DLGAP1: variants seen among roughly 807,000 people sequenced by gnomAD.
The protein encoded by DLGAP1 is DLG associated protein 1.
DLGAP1 carries 11 observed loss-of-function variants against 90.8 expected under a neutral mutation model. The observed-to-expected ratio is 0.12, with a 90% confidence interval of 0.08 to 0.20. DLGAP1 has a LOEUF of 0.20. Ranked by LOEUF, DLGAP1 falls within the 10% of genes least tolerant of loss-of-function variation. DLGAP1 has a pLI of 1.00. For synonymous variants in DLGAP1, 558 were observed against 540.7 expected, an observed-to-expected ratio of 1.03 and a Z score of -0.44; for missense variants, 1,050 against 1,333.8, an observed-to-expected ratio of 0.79 and a Z score of 3.31.
chr18:3,541,131 T>C (rs2052669687), intron 9 of DLGAP1, among the ~76,000 whole-genome samples: 1 of 152,176 alleles, frequency 6.6e-6, no homozygotes, highest in African/African-American at 2.4e-5. Flanking sequence ...CACTAACAAT[T>C]ATGTTTTACT....
intron 2 of DLGAP1, among the ~76,000 whole-genome samples, chr18:4,069,119 A>G (rs538368909): frequency 2.0e-5 from 3 of 152,328 alleles, no homozygotes; most frequent in African/African-American, 7.2e-5. Context: ...CAGCACAATC[A>G]TGACTGTGCT....
At chr18:4,243,745 T>C (rs1261893096) in intron 1 of DLGAP1, among the ~76,000 whole-genome samples, 2 of 152,226 alleles carry the variant, frequency 1.3e-5, no homozygotes, top group Non-Finnish European at 2.9e-5. Context: ...TTTACTAATT[T>C]TGAAATAAGG....
chr18:4,256,598 T>TG, intron 1 of DLGAP1, among the ~76,000 whole-genome samples: 1 of 152,184 alleles, frequency 6.6e-6, no homozygotes, highest in Non-Finnish European at 1.5e-5. Context: ...AAGGTCCTTC[T>TG]GGGGAAAATC....
At chr18:3,766,088 C>T (rs2064230326) in intron 5 of DLGAP1, among the ~76,000 whole-genome samples, 3 of 151,970 alleles carry the variant, frequency 2.0e-5, no homozygotes, top group African/African-American at 4.8e-5. Flanking sequence ...TCTATAAGAA[C>T]CTCACTGCAA....
intron 6 of DLGAP1, among the ~76,000 whole-genome samples, chr18:3,730,984 G>C (rs1458266638): frequency 6.6e-6 from 1 of 152,138 alleles, no homozygotes; most frequent in African/African-American, 2.4e-5. Flanking sequence ...AATGGAGCAA[G>C]AGAGACAAAG....
At chr18:3,572,424 T>A (rs1599309696) in intron 8 of DLGAP1, among the ~76,000 whole-genome samples, 1 of 133,284 alleles carries the variant, frequency 7.5e-6, no homozygotes, top group South Asian at 2.7e-4. Flanking sequence ...GATTGGTTTC[T>A]TTTATTTATT....
chr18:3,828,663 A>AAAG (rs2067861835), intron 4 of DLGAP1, among the ~76,000 whole-genome samples: 4 of 147,408 alleles, frequency 2.7e-5, no homozygotes, highest in Non-Finnish European at 4.5e-5. Context: ...AAAAAAAAAA[A>AAAG]GGACAAAAAG....
chr18:3,930,034 G>T, intron 3 of DLGAP1, among the ~76,000 whole-genome samples: 1 of 152,208 alleles, frequency 6.6e-6, no homozygotes, highest in East Asian at 1.9e-4. Context: ...GTAAGTGTCT[G>T]CTGGGCTAAT....
rs1321504554 is a variant in DLGAP1 at position 3,727,408 on chromosome 18, T to C, written c.1591+1727A>G. Among the ~76,000 whole-genome samples, 1 of 152,214 alleles carries C rather than the reference T, an allele frequency of 6.6e-6. No homozygotes were observed. The highest frequency in any genetic ancestry group is 1.5e-5 in the Non-Finnish European group (1 of 68,040). ...TCTTGCTACTTTATCTGCAACACCGTTTCCTGAGGCGGAAGGAGTGAGCCA... is the reference window on the plus strand; with the variant it reads ...TCTTGCTACTTTATCTGCAACACCGCTTCCTGAGGCGGAAGGAGTGAGCCA... On this transcript the variant is annotated intron_variant, in intron 7 of 12. Transcript: ENST00000315677. The surrounding 1 kb of genome is among the most constrained non-coding windows in gnomAD (Gnocchi z 4.7).
At chr18:4,206,589 G>A (rs1184854132) in intron 1 of DLGAP1, among the ~76,000 whole-genome samples, 1 of 152,148 alleles carries the variant, frequency 6.6e-6, no homozygotes, top group East Asian at 1.9e-4. Context: ...GCCCACATCA[G>A]CATGCATGGC....
intron 4 of DLGAP1, among the ~76,000 whole-genome samples, chr18:3,875,947 A>C (rs1324669763): frequency 2.0e-5 from 3 of 151,970 alleles, no homozygotes; most frequent in Non-Finnish European, 4.4e-5. Flanking sequence ...TGCTTTGCCT[A>C]CTAAGTCTCT....
At chr18:4,060,787 T>C (rs1199431713) in intron 2 of DLGAP1, among the ~76,000 whole-genome samples, 1 of 152,176 alleles carries the variant, frequency 6.6e-6, no homozygotes, top group Non-Finnish European at 1.5e-5. Context: ...TAAATTCTTG[T>C]CCTAAAGCAA....
intron 7 of DLGAP1, among the ~76,000 whole-genome samples, chr18:3,657,012 C>T (rs56357524): frequency 0.18 from 27,542 of 152,088 alleles, 6,053 homozygotes; most frequent in African/African-American, 0.53. Flanking sequence ...TCCCAAAGTG[C>T]TGGGATTACA....
chr18:3,742,638 G>GT (rs1460438561), intron 5 of DLGAP1, 126 bp from the exon 6 acceptor site: 22 of 1,117,952 alleles, frequency 2.0e-5, no homozygotes, highest in Non-Finnish European at 2.7e-5. Context: ...ATGCCCTTCT[G>GT]TGATTACTAA....
chr18:4,220,528 C>T (rs1025324879), intron 1 of DLGAP1, among the ~76,000 whole-genome samples: 3 of 152,090 alleles, frequency 2.0e-5, no homozygotes, highest in Non-Finnish European at 2.9e-5. Flanking sequence ...GCCCTCAGGA[C>T]GGATAAGCAA....
At chr18:4,225,058 A>G (rs2078157684) in intron 1 of DLGAP1, among the ~76,000 whole-genome samples, 1 of 152,102 alleles carries the variant, frequency 6.6e-6, no homozygotes, top group Admixed American at 6.5e-5. Context: ...AAGTAAGGGA[A>G]TAAAACAAGA....
At position 3,600,749 on chromosome 18, in the gene DLGAP1, T is replaced by TATATAGATATATAGATATATATAG. The variant is rs1568277663; in HGVS notation, c.1592-18502_1592-18501insCTATATATATCTATATATCTATAT. ...ATATAGATATATATAGATATATAGATATATATAGATATATAGATATATATA... is the reference window on the plus strand; with the variant it reads ...ATATAGATATATATAGATATATAGATATATAGATATATAGATATATATAGATATATAGATATATAGATATATATA... On this transcript the variant is annotated intron_variant, in intron 7 of 12. Transcript: ENST00000315677. 1.3e-3 allele frequency among the ~76,000 whole-genome samples: 17 copies of TATATAGATATATAGATATATATAG among 12,928 alleles called. 1 individual carries two copies. Among genetic ancestry groups the TATATAGATATATAGATATATATAG allele is most frequent in the African/African-American group, 4.3e-3 (13 of 3,026 alleles). 8.5% of individuals were successfully genotyped at this position (12,928 alleles called of 152,430 possible).
chr18:3,974,627 T>C (rs2073530431), intron 3 of DLGAP1, among the ~76,000 whole-genome samples: 1 of 152,242 alleles, frequency 6.6e-6, no homozygotes, highest in South Asian at 2.1e-4. Flanking sequence ...CTGCTTTGGT[T>C]AAAAGTGAAA....
intron 5 of DLGAP1, among the ~76,000 whole-genome samples, chr18:3,791,223 C>T (rs956312675): frequency 6.6e-6 from 1 of 152,190 alleles, no homozygotes; most frequent in Non-Finnish European, 1.5e-5. Flanking sequence ...ATACACTTGA[C>T]AAGCACCTTA....
Sources: gnomAD v4.1 joint callset for allele counts (sites outside exome capture counted in the v4.1 genomes callset) on GRCh38, gnomAD v4.1.1 for gene constraint, Gnocchi (gnomAD v3.1) non-coding constraint, MANE v1.5 for transcripts, NCBI Gene and HGNC (gene_info 2026-07-23, HGNC 2026-07-21) for gene names.